PDE3A: variants seen among roughly 807,000 people sequenced by gnomAD.
PDE3A encodes the protein cGMP-inhibited 3',5'-cyclic phosphodiesterase 3A.
A neutral mutation model predicts 98.3 loss-of-function variants in PDE3A; 43 were observed. That is an observed-to-expected ratio of 0.44 (90% CI 0.34 to 0.56). The LOEUF (loss-of-function observed/expected upper bound fraction) is 0.56, where lower values mean the gene tolerates loss of function less well. Among genes scored for constraint, PDE3A ranks in the 20% least tolerant of loss-of-function variants. The probability of loss-of-function intolerance (pLI) is 0.01; values close to 1 mark genes in which losing one functional copy is unlikely to be tolerated. For synonymous variants in PDE3A, 663 were observed against 567.9 expected (o/e 1.17, Z -2.38); for missense variants, 1,427 against 1,440.7 (o/e 0.99, Z 0.15).
intron 2 of PDE3A, among the ~76,000 whole-genome samples, chr12:20,610,215 T>G (rs1468242728): frequency 6.6e-6 from 1 of 151,732 alleles, no homozygotes; most frequent in African/African-American, 2.4e-5. Context: ...AAAAATAACC[T>G]GATTAAAAAG....
At chr12:20,447,547 A>T (rs74958249) in intron 1 of PDE3A, among the ~76,000 whole-genome samples, 1 of 152,212 alleles carries the variant, frequency 6.6e-6, no homozygotes, top group African/African-American at 2.4e-5. Context: ...GACAGGGTTC[A>T]GAGGACTTCT....
chr12:20,389,170 T>C (rs1207214336), intron 1 of PDE3A, among the ~76,000 whole-genome samples: 2 of 151,992 alleles, frequency 1.3e-5, no homozygotes, highest in Non-Finnish European at 2.9e-5. Context: ...CTGATTATGC[T>C]TGCGATGGTT....
At chr12:20,670,883 C>A (rs1464692053) in intron 15 of PDE3A, among the ~76,000 whole-genome samples, 10 of 133,446 alleles carry the variant, frequency 7.5e-5, no homozygotes, top group Non-Finnish European at 1.4e-4. Flanking sequence ...ACACAAAAAA[C>A]CCTTCAAAAA....
chr12:20,554,378 A>AAT (rs1565587274), intron 1 of PDE3A, among the ~76,000 whole-genome samples: 1 of 147,916 alleles, frequency 6.8e-6, no homozygotes, highest in African/African-American at 2.5e-5. Context: ...AAAAATAAAA[A>AAT]AAATAAAAAA....
rs550401633 is a variant in PDE3A, at chr12:20,668,851, A to G, written c.3185-11179A>G. 9.9e-5 allele frequency among the ~76,000 whole-genome samples: 15 copies of G among 151,802 alleles called. 1 individual carries two copies. The South Asian group carries it at 3.1e-3, about 31-fold the overall frequency. On this transcript the variant is annotated intron_variant, in intron 15 of 15. Coordinates refer to ENST00000359062, the MANE Select transcript of PDE3A (RefSeq NM_000921.5). ...GCAACGGAACAAAGCTAGATGGAGA[A>G]TGACTTTGACGAGCTGAGAGAAGAA...
At chr12:20,665,354 T>C (rs1057306821) in intron 15 of PDE3A, among the ~76,000 whole-genome samples, 1 of 152,226 alleles carries the variant, frequency 6.6e-6, no homozygotes, top group Non-Finnish European at 1.5e-5. Context: ...TTTTTTCTGT[T>C]TAAATTGGGT....
chr12:20,456,268 A>G (rs1001586643), intron 1 of PDE3A, among the ~76,000 whole-genome samples: 1 of 152,174 alleles, frequency 6.6e-6, no homozygotes, highest in African/African-American at 2.4e-5. Context: ...GCTAAAATAC[A>G]TAAGCAGGTA....
Position 20,613,717 on chromosome 12 carries a change from T to C in PDE3A, c.1269+17T>C. The C allele has an allele frequency of 6.2e-7, 1 of 1,606,578 alleles. No individual in the cohort carries two copies. The highest frequency in any genetic ancestry group is 8.5e-7 in the Non-Finnish European group (1 of 1,173,268). On this transcript the variant is annotated intron_variant, in intron 3 of 15. Transcript: ENST00000359062. Reference sequence around the variant, plus strand: ...ATTCCAAAGGTAGGTAGTAATGACATACCCCTTAAAGGGTTAAACTATTTT... The same window carrying C: ...ATTCCAAAGGTAGGTAGTAATGACACACCCCTTAAAGGGTTAAACTATTTT...
At chr12:20,447,884 G>T (rs1196818062) in intron 1 of PDE3A, among the ~76,000 whole-genome samples, 8 of 152,146 alleles carry the variant, frequency 5.3e-5, no homozygotes, top group Admixed American at 5.2e-4. Flanking sequence ...GGACTGAGGG[G>T]TGATGCTATG....
intron 2 of PDE3A, among the ~76,000 whole-genome samples, chr12:20,585,684 C>T (rs1321228666): frequency 2.0e-5 from 3 of 152,154 alleles, no homozygotes; most frequent in Admixed American, 6.5e-5. Context: ...TGCTACTAGA[C>T]AGATAGTATA....
intron 15 of PDE3A, among the ~76,000 whole-genome samples, chr12:20,669,092 G>A (rs982709210): frequency 2.0e-5 from 3 of 151,818 alleles, no homozygotes; most frequent in African/African-American, 4.9e-5. Flanking sequence ...TGGAAGAAAC[G>A]GTATCAGCGA....
At chr12:20,437,372 A>C (rs189744260) in intron 1 of PDE3A, among the ~76,000 whole-genome samples, 67 of 152,302 alleles carry the variant, frequency 4.4e-4, no homozygotes, top group African/African-American at 1.5e-3. Context: ...GGGTTAGGCC[A>C]TTCTTGCATA....
chr12:20,456,918 T>C (rs1046282094), intron 1 of PDE3A, among the ~76,000 whole-genome samples: 5 of 152,242 alleles, frequency 3.3e-5, no homozygotes, highest in African/African-American at 4.8e-5. Context: ...GACTAAGCAT[T>C]GAGATGCTTT....
At position 20,687,914 on chromosome 12, in the gene PDE3A, G is replaced by GAAAAAAAAAAA. The variant is rs58496505; in HGVS notation, c.*7656_*7666dup. 1.1e-5 allele frequency among the ~76,000 whole-genome samples: 1 copy of GAAAAAAAAAAA among 94,312 alleles called. No homozygotes were observed. The highest frequency in any genetic ancestry group is 4.3e-5 in the African/African-American group (1 of 23,402). 61.9% of individuals were successfully genotyped at this position (94,312 alleles called of 152,430 possible). A position where few individuals can be genotyped will look rare whatever the true frequency, so the allele number is the denominator to read the frequency against. On this transcript the variant is annotated 3_prime_UTR_variant, in exon 16 of 16. Transcript: ENST00000359062. ...GACCAGTCATTACCTCTTCCCAACAGAAAAAAAAAAAAAAAAAAAAAAACT... is the reference window on the plus strand; with the variant it reads ...GACCAGTCATTACCTCTTCCCAACAGAAAAAAAAAAAAAAAAAAAAAAAAAAAAAAAAAACT...
In PDE3A at chr12:20,650,495, G is replaced by C; in HGVS notation, c.2820G>C (p.Leu940=). The change falls in exon 14 of 16, where the codon CTG becomes CTC. Residue 940 remains leucine (L), a synonymous_variant. Transcript: ENST00000359062. The part of the protein sequence containing the change: ...IDWTNENDRL[L]VCQMCIKLAD... ...GGACCAATGAAAATGATCGTCTACT[G>C]GTTTGTCAAATGTGTATAAAGTTGG... 6.2e-7 allele frequency: 1 copy of C among 1,610,536 alleles called. No homozygotes were observed. The highest frequency in any genetic ancestry group is 1.1e-5 in the South Asian group (1 of 90,904).
At chr12:20,413,713 T>C (rs1944373333) in intron 1 of PDE3A, among the ~76,000 whole-genome samples, 1 of 152,162 alleles carries the variant, frequency 6.6e-6, no homozygotes, top group Non-Finnish European at 1.5e-5. Context: ...TAAAGGAAGC[T>C]ATTTAAAGGC....
At chr12:20,665,814 T>G (rs1159647288) in intron 15 of PDE3A, among the ~76,000 whole-genome samples, 1 of 152,146 alleles carries the variant, frequency 6.6e-6, no homozygotes, top group African/African-American at 2.4e-5. Flanking sequence ...CCCTGTCTTA[T>G]GTAATATGCA....
chr12:20,393,064 A>C (rs1040947681), intron 1 of PDE3A, among the ~76,000 whole-genome samples: 2 of 152,060 alleles, frequency 1.3e-5, no homozygotes, highest in African/African-American at 4.8e-5. Context: ...TTGATAGCAC[A>C]GCAGAGAAAT....
chr12:20,672,282 T>C (rs1945504461), intron 15 of PDE3A, among the ~76,000 whole-genome samples: 1 of 144,644 alleles, frequency 6.9e-6, no homozygotes, highest in African/African-American at 2.6e-5. Context: ...CCAAGGTAAT[T>C]TACAGATTCA....
Sources: allele counts gnomAD v4.1 joint callset (sites outside exome capture counted in the v4.1 genomes callset), GRCh38; gene constraint gnomAD v4.1.1; transcripts MANE v1.5; gene names NCBI Gene and HGNC (gene_info 2026-07-23, HGNC 2026-07-21).